TMED2: variants seen among roughly 807,000 people sequenced by gnomAD.
TMED2 encodes transmembrane emp24 domain-containing protein 2.
In TMED2, 3 loss-of-function variants were observed where a neutral mutation model predicts 17.5. The ratio of observed to expected loss-of-function variants is 0.17; its 90% confidence interval spans 0.08 to 0.44. The LOEUF is 0.44. Ranked by LOEUF, TMED2 falls within the 20% of genes least tolerant of loss-of-function variation. The probability of loss-of-function intolerance (pLI) is 0.99; values close to 1 mark genes in which losing one functional copy is unlikely to be tolerated. For missense variants in TMED2, 149 were observed against 254.8 expected, an observed-to-expected ratio of 0.58 and a Z score of 2.83; for synonymous variants, 95 against 91.0, an observed-to-expected ratio of 1.04 and a Z score of -0.25.
intron 3 of TMED2, among the ~76,000 whole-genome samples, chr12:123,592,378 G>T (rs969457384): frequency 6.6e-6 from 1 of 152,178 alleles, no homozygotes; most frequent in African/African-American, 2.4e-5. Context: ...AATTTTAACT[G>T]GTTCAGACCA....
chr12:123,585,456 G>A (rs1001020749), intron 1 of TMED2: 1 of 152,308 alleles, frequency 6.6e-6, no homozygotes, highest in African/African-American at 2.4e-5. Flanking sequence ...AGTATCAGGA[G>A]AAGACAGGAG....
chr12:123,584,936 G>A (rs1287602342), intron 1 of TMED2, 120 bp downstream of exon 1: 3 of 1,307,642 alleles, frequency 2.3e-6, no homozygotes, highest in Non-Finnish European at 3.1e-6. Context: ...TCCGAGTCCT[G>A]GAGAAGCCCA....
chr12:123,596,361 G>A (rs908895262), intron 3 of TMED2, among the ~76,000 whole-genome samples: 5 of 152,164 alleles, frequency 3.3e-5, no homozygotes, highest in African/African-American at 1.2e-4. Flanking sequence ...CGTGTTTTAC[G>A]TAGGCTAGGC....
Position 123,597,974 on chromosome 12 carries a change from C to G in TMED2, c.*1245C>G, listed in dbSNP as rs1346172040. 6.6e-6 allele frequency: 1 copy of G among 152,278 alleles called. No individual in the cohort carries two copies. The highest frequency in any genetic ancestry group is 1.5e-5 in the Non-Finnish European group (1 of 68,012). 9.4% of individuals were successfully genotyped at this position (152,278 alleles called of 1,614,324 possible). A position where few individuals can be genotyped will look rare whatever the true frequency, so the allele number is the denominator to read the frequency against. On this transcript the variant is annotated 3_prime_UTR_variant, in exon 4 of 4. Transcript: ENST00000262225. ...CATACTTCCACCTTGGGTGAGAACA[C>G]TTGCAACAGTTTATTAATGAGGTGA...
intron 3 of TMED2, among the ~76,000 whole-genome samples, chr12:123,595,234 A>G (rs935036618): frequency 6.6e-6 from 1 of 152,224 alleles, no homozygotes; most frequent in Non-Finnish European, 1.5e-5. Flanking sequence ...CTCAAAAAAA[A>G]GTAAGTAAAT....
chr12:123,585,183 C>T (rs188010389), intron 1 of TMED2: 152 of 222,882 alleles, frequency 6.8e-4, no homozygotes, highest in African/African-American at 3.3e-3. Context: ...GGTGGCGGGT[C>T]TCTATCCAGT....
intron 2 of TMED2, among the ~76,000 whole-genome samples, chr12:123,588,806 G>A (rs1489891770): frequency 6.6e-6 from 1 of 152,168 alleles, no homozygotes; most frequent in Non-Finnish European, 1.5e-5. Context: ...GCATAGAAAA[G>A]CATTTGGTCC....
At chr12:123,593,615 G>A (rs919588971) in intron 3 of TMED2, among the ~76,000 whole-genome samples, 1 of 152,140 alleles carries the variant, frequency 6.6e-6, no homozygotes, top group East Asian at 1.9e-4. Context: ...TCTGCTCCCC[G>A]TATACAAGCG....
At chr12:123,590,545 AT>A in intron 3 of TMED2, 96 bp downstream of exon 3, 1 of 973,694 alleles carries the variant, frequency 1.0e-6, no homozygotes, top group Non-Finnish European at 1.5e-6. Flanking sequence ...AACTTTGCAA[AT>A]TTTATGTGAA....
chr12:123,594,111 T>G (rs1953412697), intron 3 of TMED2, among the ~76,000 whole-genome samples: 1 of 151,124 alleles, frequency 6.6e-6, no homozygotes, highest in Non-Finnish European at 1.5e-5. Context: ...GTTGGCTATT[T>G]GCAGAAAAAT....
chr12:123,587,232 C>T (rs1200383251), intron 2 of TMED2, among the ~76,000 whole-genome samples: 12 of 151,968 alleles, frequency 7.9e-5, no homozygotes, highest in Non-Finnish European at 4.4e-5. Flanking sequence ...CTGCAATCTC[C>T]GCCTCCTGGG....
intron 1 of TMED2, chr12:123,586,065 A>G (rs36002329): frequency 7.2e-5 from 11 of 152,190 alleles, no homozygotes; most frequent in African/African-American, 2.7e-4. Flanking sequence ...GGGATGCAGA[A>G]ATTCTTTATT....
chr12:123,584,597 AGGCCGCAGTCCGGGTCCTGGCTTC>A lies in TMED2; in HGVS notation c.-35_-12del, dbSNP rs1566163612. On this transcript the variant is annotated 5_prime_UTR_variant, in exon 1 of 4. Coordinates refer to ENST00000262225, the MANE Select transcript of TMED2 (RefSeq NM_006815.4). Reference sequence around the variant, plus strand: ...GCGGCGGCGGCGGCGGCGGCTGTGGAGGCCGCAGTCCGGGTCCTGGCTTCGGCCTCAGCCCCACCATGGTGACGC... The same window carrying A: ...GCGGCGGCGGCGGCGGCGGCTGTGGAGGCCTCAGCCCCACCATGGTGACGC... The A allele has an allele frequency of 2.5e-6, 4 of 1,587,588 alleles. No homozygotes were observed. The highest frequency in any genetic ancestry group is 2.2e-5 in the South Asian group (2 of 89,820).
At chr12:123,588,354 T>C (rs1307174602) in intron 2 of TMED2, among the ~76,000 whole-genome samples, 1 of 152,206 alleles carries the variant, frequency 6.6e-6, no homozygotes, top group Non-Finnish European at 1.5e-5. Context: ...GGTTGGATTT[T>C]GAAATCTATA....
chr12:123,588,012 C>T lies in TMED2; in HGVS notation c.373+1073C>T, dbSNP rs541552306. Among the ~76,000 whole-genome samples the T allele has an allele frequency of 2.6e-5, 4 of 152,190 alleles. No homozygotes were observed. The South Asian group carries it at 8.3e-4, about 32-fold the overall frequency. On this transcript the variant is annotated intron_variant, in intron 2 of 3. Coordinates refer to ENST00000262225, the MANE Select transcript of TMED2 (RefSeq NM_006815.4). Reference sequence around the variant, plus strand: ...ATTTTGTAGACTTCTTAACCTGAAGCTTAGTTGGATATGAAATGCAGTTCT... The same window carrying T: ...ATTTTGTAGACTTCTTAACCTGAAGTTTAGTTGGATATGAAATGCAGTTCT...
Position 123,586,847 on chromosome 12 carries a change from T to C in TMED2, c.281T>C (p.Phe94Ser). 1 of 1,613,756 alleles carries C rather than the reference T, an allele frequency of 6.2e-7. No individual in the cohort carries two copies. Among genetic ancestry groups the C allele is most frequent in the Non-Finnish European group, 8.5e-7 (1 of 1,179,900 alleles). Residue 94 changes from phenylalanine (F) to serine (S), a missense_variant, in exon 2 of 4, where the codon TTT becomes TCT. Physicochemically the swap from Phe to Ser is radical, Grantham distance 155. Coordinates refer to ENST00000262225, the MANE Select transcript of TMED2 (RefSeq NM_006815.4). ...AHMDGTYKFC[F>S]SNRMSTMTPK... The stretch of plus-strand genomic sequence containing the variant: ...ATGGATGGAACATACAAATTTTGTT[T>C]TAGTAACCGGATGTCCACCATGACT...
At chr12:123,594,918 T>A (rs952208473) in intron 3 of TMED2, among the ~76,000 whole-genome samples, 4 of 141,412 alleles carry the variant, frequency 2.8e-5, no homozygotes, top group East Asian at 2.2e-4. Flanking sequence ...ATAATAATAA[T>A]AAAATACATT....
intron 1 of TMED2, 48 bp downstream of exon 1, chr12:123,584,864 G>A (rs1487363126): frequency 6.3e-7 from 1 of 1,593,834 alleles, no homozygotes; most frequent in Admixed American, 1.7e-5. Context: ...TGGCCACTCG[G>A]GGATTGGTGG....
chr12:123,590,976 C>CT (rs746642508), intron 3 of TMED2, among the ~76,000 whole-genome samples: 7 of 147,274 alleles, frequency 4.8e-5, no homozygotes, highest in Non-Finnish European at 8.9e-5. Context: ...GAGCTAGACT[C>CT]TGTCTCAGGG....
Sources: gnomAD v4.1 joint callset for allele counts (sites outside exome capture counted in the v4.1 genomes callset) on GRCh38, gnomAD v4.1.1 for gene constraint, MANE v1.5 for transcripts, NCBI Gene and HGNC (gene_info 2026-07-23, HGNC 2026-07-21) for gene names.